The following EML6 variants were observed in gnomAD, a reference collection of about 807,000 sequenced individuals.
EML6 encodes EMAP like 6.
In EML6, 154 loss-of-function variants were observed where a neutral mutation model predicts 240.1. The observed-to-expected ratio is 0.64, with a 90% CI of 0.56 to 0.73. EML6 has a LOEUF of 0.73. EML6 is among the 30% of genes least tolerant of loss of function. EML6 has a pLI of 0.00. For synonymous variants in EML6, 1,148 were observed against 899.0 expected (o/e 1.28, Z -4.95); for missense variants, 2,964 against 2,474.6 (o/e 1.20, Z -4.20).
rs1203442392 is a variant in EML6 at position 54,903,111 on chromosome 2, C to T, written c.3192C>T (p.Phe1064=). The T allele has an allele frequency of 1.3e-6, 2 of 1,551,640 alleles. No individual in the cohort carries two copies. Among genetic ancestry groups the T allele is most frequent in the Non-Finnish European group, 1.7e-6 (2 of 1,146,958 alleles). The change falls in exon 23 of 42, where the codon TTC becomes TTT. Residue 1064 remains phenylalanine (F), a synonymous_variant. Transcript: ENST00000356458. ...ALAVGLNDGS[F]LVVNADTVED... ...CGGTTGGCTTGAACGATGGGAGTTTCCTGGTGGTAAATGCTGACACTGTTG... is the reference window on the plus strand; with the variant it reads ...CGGTTGGCTTGAACGATGGGAGTTTTCTGGTGGTAAATGCTGACACTGTTG...
intron 16 of EML6, among the ~76,000 whole-genome samples, chr2:54,876,376 T>A (rs978551725): frequency 3.3e-5 from 5 of 152,140 alleles, no homozygotes; most frequent in African/African-American, 1.2e-4. Flanking sequence ...ACCTCTGGGT[T>A]TGCACTGCTG....
Position 54,869,263 on chromosome 2 carries a change from G to A in EML6, c.2134G>A (p.Val712Met), listed in dbSNP as rs763236263. ...VVYHIAAVAVVYNRQQHSQRL... is the reference protein window; with the variant it reads ...VVYHIAAVAVMYNRQQHSQRL... ...CTACCACATTGCTGCAGTTGCTGTCGTGTATAATCGGCAGCAGCACTCCCA... is the reference window on the plus strand; with the variant it reads ...CTACCACATTGCTGCAGTTGCTGTCATGTATAATCGGCAGCAGCACTCCCA... Residue 712 changes from valine (V) to methionine (M), a missense_variant, in exon 15 of 42, where the codon GTG (valine) becomes ATG (methionine). Coordinates refer to ENST00000356458, the MANE Select transcript of EML6 (RefSeq NM_001039753.4). 12 of 1,551,514 alleles carry A rather than the reference G, an allele frequency of 7.7e-6. No individual in the cohort carries two copies. The highest frequency in any genetic ancestry group is 1.7e-4 in the Middle Eastern group (1 of 5,992).
chr2:54,915,298 C>T (rs970304601), intron 25 of EML6, among the ~76,000 whole-genome samples: 3 of 152,146 alleles, frequency 2.0e-5, no homozygotes, highest in Non-Finnish European at 2.9e-5. Context: ...CCTTTCCTTT[C>T]CTGCTGGGAT....
intron 11 of EML6, among the ~76,000 whole-genome samples, chr2:54,855,906 CAAGT>C (rs1330698241): frequency 2.6e-5 from 4 of 152,150 alleles, no homozygotes; most frequent in Admixed American, 2.0e-4. Context: ...TGACAAGGTA[CAAGT>C]ATTCCCTGTA....
chr2:54,896,015 C>T (rs567872249), intron 21 of EML6, among the ~76,000 whole-genome samples: 9 of 152,314 alleles, frequency 5.9e-5, no homozygotes, highest in Admixed American at 3.9e-4. Context: ...GGTCATACCA[C>T]ACTCAAAGGG....
At chr2:54,798,455 G>A (rs906818854) in intron 2 of EML6, among the ~76,000 whole-genome samples, 22 of 152,152 alleles carry the variant, frequency 1.4e-4, no homozygotes, top group African/African-American at 5.1e-4. Flanking sequence ...TTACAGGCGT[G>A]AGCGACCACA....
At position 54,895,086 on chromosome 2, in the gene EML6, C is replaced by G. The variant is rs1169357903; in HGVS notation, c.2854+60C>G. ...ATTCATAGGGATGGAGAAGATTGTACTAAAGTTTTTAGAAAACTATTAGCA... is the reference window on the plus strand; with the variant it reads ...ATTCATAGGGATGGAGAAGATTGTAGTAAAGTTTTTAGAAAACTATTAGCA... On this transcript the variant is annotated intron_variant, in intron 20 of 41. Transcript: ENST00000356458. The G allele has an allele frequency of 3.6e-6, 5 of 1,405,670 alleles. No individual in the cohort carries two copies. The South Asian group carries it at 6.3e-5, about 18-fold the overall frequency. The allele number at this position is 1,405,670 out of a possible 1,614,324, so 87.1% of individuals were successfully genotyped here.
rs555059948 is a variant in EML6, at chr2:54,819,500, G to A, written c.457-894G>A. ...CTTGTTAAAGAATGACAAATAGGCC[G>A]GGCACGGTGGCTCATGCCTGTAATC... is the stretch of plus-strand genomic sequence containing the variant. On this transcript the variant is annotated intron_variant, in intron 4 of 41. Coordinates refer to ENST00000356458, the MANE Select transcript of EML6 (RefSeq NM_001039753.4). 9.2e-5 allele frequency among the ~76,000 whole-genome samples: 14 copies of A among 152,258 alleles called. No individual in the cohort carries two copies. The Middle Eastern group carries it at 0.014, about 148-fold the overall frequency.
chr2:54,966,881 GT>G (rs1676772547), intron 38 of EML6, 118 bp from the exon 39 acceptor site: 1 of 625,796 alleles, frequency 1.6e-6, no homozygotes, highest in South Asian at 2.0e-5. Context: ...CTGAGCTTGG[GT>G]TTGGAGAAAA....
At chr2:54,779,698 C>T (rs1213109249) in intron 2 of EML6, among the ~76,000 whole-genome samples, 1 of 151,182 alleles carries the variant, frequency 6.6e-6, no homozygotes, top group Non-Finnish European at 1.5e-5. Flanking sequence ...ACCATCTTTA[C>T]CAAAAATACA....
At chr2:54,947,693 C>T (rs1274637957) in intron 28 of EML6, among the ~76,000 whole-genome samples, 18 of 152,192 alleles carry the variant, frequency 1.2e-4, no homozygotes, top group Admixed American at 1.1e-3. Context: ...TAAGCAGAGT[C>T]CCCGGGCGCA....
chr2:54,749,650 A>T (rs944791425), intron 2 of EML6, among the ~76,000 whole-genome samples: 1 of 152,144 alleles, frequency 6.6e-6, no homozygotes, highest in African/African-American at 2.4e-5. Flanking sequence ...GCTCACAAAA[A>T]ATTTTTGAGG....
At chr2:54,927,162 T>C (rs116244979) in intron 26 of EML6, among the ~76,000 whole-genome samples, 225 of 152,344 alleles carry the variant, frequency 1.5e-3, no homozygotes, top group African/African-American at 5.2e-3. Context: ...CTGGAAATCC[T>C]ACCTGCCTGT....
intron 15 of EML6, 114 bp downstream of exon 15, chr2:54,869,481 G>A (rs1484905447): frequency 2.5e-6 from 2 of 799,534 alleles, no homozygotes; most frequent in Admixed American, 2.8e-5. Context: ...GAGATGGGAA[G>A]GTGAAGATTG....
intron 32 of EML6, among the ~76,000 whole-genome samples, 198 bp downstream of exon 32, chr2:54,954,354 G>A (rs182250948): frequency 1.5e-3 from 236 of 152,310 alleles, no homozygotes; most frequent in African/African-American, 5.4e-3. Context: ...CCCAGGGCCA[G>A]GAGGAGGCTG....
At chr2:54,958,871 G>A (rs150042224) in intron 33 of EML6, among the ~76,000 whole-genome samples, 1 of 152,060 alleles carries the variant, frequency 6.6e-6, no homozygotes, top group African/African-American at 2.4e-5. Flanking sequence ...GCTCAGAGGG[G>A]AAGTCAGATG....
At chr2:54,754,495 T>C (rs1434915212) in intron 2 of EML6, among the ~76,000 whole-genome samples, 1 of 152,214 alleles carries the variant, frequency 6.6e-6, no homozygotes, top group African/African-American at 2.4e-5. Flanking sequence ...GTGAAGTGCC[T>C]CTTCAGGTCT....
chr2:54,785,728 A>C (rs547073186), intron 2 of EML6, among the ~76,000 whole-genome samples: 6 of 152,278 alleles, frequency 3.9e-5, no homozygotes, highest in Middle Eastern at 3.4e-3. Flanking sequence ...AAAATAGACC[A>C]GTGTTTACAT....
intron 2 of EML6, among the ~76,000 whole-genome samples, chr2:54,750,855 G>C (rs1200011089): frequency 6.6e-6 from 1 of 152,128 alleles, no homozygotes; most frequent in African/African-American, 2.4e-5. Flanking sequence ...TGGGTATCAT[G>C]GTTGTCCGAT....
Sources: allele counts gnomAD v4.1 joint callset (sites outside exome capture counted in the v4.1 genomes callset), GRCh38; gene constraint gnomAD v4.1.1; transcripts MANE v1.5; gene names NCBI Gene and HGNC (gene_info 2026-07-23, HGNC 2026-07-21).